The following SMC4 variants were observed in gnomAD, a reference collection of about 807,000 sequenced individuals.
SMC4 encodes the protein structural maintenance of chromosomes 4, also known as structural maintenance of chromosomes protein 4.
Under a neutral mutation model 145.6 loss-of-function variants are expected in SMC4, and 87 were observed. The ratio of observed to expected loss-of-function variants is 0.60; its 90% CI spans 0.50 to 0.71. SMC4 has a LOEUF of 0.71. Among genes scored for constraint, SMC4 ranks in the 30% least tolerant of loss-of-function variants. The pLI is 0.00. For synonymous variants in SMC4, 558 were observed against 500.7 expected, an observed-to-expected ratio of 1.11 and a Z score of -1.53; for missense variants, 1,447 against 1,537.1, an observed-to-expected ratio of 0.94 and a Z score of 0.98.
chr3:160,418,299 C>T (rs1183769609), intron 11 of SMC4, among the ~76,000 whole-genome samples: 1 of 152,112 alleles, frequency 6.6e-6, no homozygotes, highest in East Asian at 1.9e-4. Context: ...AATGAATATA[C>T]AAACAACTAT....
chr3:160,423,964 T>G lies in SMC4; in HGVS notation c.2325+124T>G, dbSNP rs2305405. The G allele has an allele frequency of 1.2e-5, 7 of 576,280 alleles. No individual in the cohort carries two copies. The East Asian group carries it at 2.1e-4, about 17-fold the overall frequency. 35.7% of individuals were successfully genotyped at this position (576,280 alleles called of 1,614,324 possible). A position where few individuals can be genotyped will look rare whatever the true frequency, so the allele number is the denominator to read the frequency against. On this transcript the variant is annotated intron_variant, in intron 15 of 23. Coordinates refer to ENST00000357388, the MANE Select transcript of SMC4 (RefSeq NM_001002800.3). ...GTACTCAAATTTTAATAGATGGCGT[T>G]TTCTATAAATGACTAGGGATTTTTT... is the stretch of plus-strand genomic sequence containing the variant.
intron 5 of SMC4, among the ~76,000 whole-genome samples, chr3:160,408,987 G>T (rs1434747112): frequency 6.6e-6 from 1 of 151,948 alleles, no homozygotes. Context: ...AAGCAATACG[G>T]TATAATAATC....
intron 22 of SMC4, chr3:160,432,789 T>C: frequency 1.9e-6 from 1 of 528,384 alleles, no homozygotes; most frequent in Non-Finnish European, 3.3e-6. Context: ...GGAGAAAGAA[T>C]AGCAAGAAGT....
intron 5 of SMC4, among the ~76,000 whole-genome samples, chr3:160,408,399 G>A (rs1025628008): frequency 2.0e-5 from 3 of 152,232 alleles, no homozygotes; most frequent in Non-Finnish European, 2.9e-5. Context: ...ACTCAAGAAA[G>A]TGTTCCATAA....
At chr3:160,412,485 A>G (rs919436054) in intron 7 of SMC4, 32 bp downstream of exon 7, 5 of 1,570,236 alleles carry the variant, frequency 3.2e-6, no homozygotes, top group Admixed American at 3.7e-5. Flanking sequence ...ACCAATTTTT[A>G]TATTAGTTTT....
intron 9 of SMC4, 45 bp downstream of exon 9, chr3:160,414,562 A>G: frequency 3.9e-6 from 6 of 1,544,224 alleles, no homozygotes; most frequent in Non-Finnish European, 4.4e-6. Flanking sequence ...TCTGAATATC[A>G]TACCTAGTTT....
Position 160,423,440 on chromosome 3 carries a change from A to T in SMC4, c.2035A>T (p.Lys679Ter). Residue 679 changes from lysine (K) to a stop codon, truncating the protein, a stop_gained, in exon 14 of 24, where the codon AAA (lysine) becomes TAA (stop). Transcript: ENST00000357388. LOFTEE classifies it high-confidence loss of function. ...IGLDKMAVWA[K>*]KMTEIQTPEN... ...TTACTTTTAGATGGCTGTATGGGCG[A>T]AAAAGATGACCGAAATTCAAACTCC... is the stretch of plus-strand genomic sequence containing the variant. 6.3e-7 allele frequency: 1 copy of T among 1,599,236 alleles called. No individual in the cohort carries two copies. Among genetic ancestry groups the T allele is most frequent in the Non-Finnish European group, 8.5e-7 (1 of 1,171,160 alleles).
Position 160,414,369 on chromosome 3 carries a change from A to G in SMC4, c.1124A>G (p.Lys375Arg), listed in dbSNP as rs572124707. 56 of 1,592,614 alleles carry G rather than the reference A, an allele frequency of 3.5e-5. No homozygotes were observed. In the South Asian group the frequency reaches 6.3e-4, roughly 18 times the overall value. The change falls in exon 9 of 24, where the codon AAA becomes AGA. Residue 375 changes from lysine (K) to arginine (R), a missense_variant and splice_region_variant. By Grantham distance (26) the Lys-to-Arg change is conservative. Coordinates refer to ENST00000357388, the MANE Select transcript of SMC4 (RefSeq NM_001002800.3). ...TTACAATATACTTGCTTTGCTAGGA[A>G]ACTGAATAAAATTACAAAATTTATT... Reference protein sequence around the residue: ...KNKDVKDTEKKLNKITKFIEE... With the variant: ...KNKDVKDTEKRLNKITKFIEE...
At chr3:160,419,042 A>G (rs925622339) in intron 11 of SMC4, among the ~76,000 whole-genome samples, 6 of 152,194 alleles carry the variant, frequency 3.9e-5, no homozygotes, top group Non-Finnish European at 7.3e-5. Context: ...ACTTATGTAT[A>G]ACTATGTAGT....
rs759904609 is a variant in SMC4 at position 160,432,468 on chromosome 3, C to T, written c.3483C>T (p.Leu1161=). The change falls in exon 22 of 24, where the codon CTC becomes CTT. Residue 1161 remains leucine (L), a synonymous_variant. Transcript: ENST00000357388. Reference sequence around the variant, plus strand: ...TTACTTTGGGAGGGGACGCCGAACTCGAGCTTGTAGACAGCTTGGATCCTT... The same window carrying T: ...TTACTTTGGGAGGGGACGCCGAACTTGAGCTTGTAGACAGCTTGGATCCTT... The part of the protein sequence containing the change: ...QMLTLGGDAE[L]ELVDSLDPFS... 24 of 1,612,584 alleles carry T rather than the reference C, an allele frequency of 1.5e-5. No homozygotes were observed. The Admixed American group carries it at 3.2e-4, about 21-fold the overall frequency.
chr3:160,401,792 A>C (rs1298597872), intron 2 of SMC4, 123 bp from the exon 3 acceptor site: 1 of 714,702 alleles, frequency 1.4e-6, no homozygotes, highest in African/African-American at 1.9e-5. Context: ...TAAGTTTCAT[A>C]AATAACATCC....
intron 2 of SMC4, among the ~76,000 whole-genome samples, chr3:160,401,367 T>G (rs1250312008): frequency 2.0e-5 from 3 of 152,120 alleles, no homozygotes; most frequent in Non-Finnish European, 4.4e-5. Context: ...GACCCTAACC[T>G]CACCTCCGTG....
chr3:160,425,362 TAA>T (rs979082816), intron 16 of SMC4, among the ~76,000 whole-genome samples: 4 of 152,226 alleles, frequency 2.6e-5, no homozygotes, highest in African/African-American at 9.6e-5. Flanking sequence ...GTTTTTTTAA[TAA>T]GTTTCCAGAA....
Position 160,425,931 on chromosome 3 carries a change from T to A in SMC4, c.2479-143T>A, listed in dbSNP as rs1168151361. Reference sequence around the variant, plus strand: ...TTTTGTGTTTGTTGGCCATTTTCATTTTTTATATCAATGGCACATATCTTT... The same window carrying A: ...TTTTGTGTTTGTTGGCCATTTTCATATTTTATATCAATGGCACATATCTTT... On this transcript the variant is annotated intron_variant, in intron 16 of 23. Transcript: ENST00000357388. The A allele has an allele frequency of 1.5e-5, 9 of 608,726 alleles. No homozygotes were observed. The East Asian group carries it at 2.7e-4, about 18-fold the overall frequency. The allele number at this position is 608,726 out of a possible 1,614,324, so 37.7% of individuals were successfully genotyped here.
chr3:160,401,802 C>T (rs1714696559), intron 2 of SMC4, 113 bp from the exon 3 acceptor site: 2 of 743,956 alleles, frequency 2.7e-6, no homozygotes, highest in African/African-American at 1.9e-5. Flanking sequence ...AAATAACATC[C>T]CTCCATCCCC....
intron 11 of SMC4, 92 bp from the exon 12 acceptor site, chr3:160,419,266 A>G: frequency 2.5e-6 from 2 of 793,562 alleles, no homozygotes; most frequent in South Asian, 2.6e-5. Flanking sequence ...TTCTTTCTTT[A>G]TTGTTATTAA....
chr3:160,401,732 C>A (rs189733652), intron 2 of SMC4, among the ~76,000 whole-genome samples, 183 bp from the exon 3 acceptor site: 149 of 152,202 alleles, frequency 9.8e-4, no homozygotes, highest in South Asian at 7.9e-3. Context: ...GGTTTAGTCA[C>A]CCCCGTGAGT....
chr3:160,433,003 T>TA (rs1491037446), intron 22 of SMC4, 23 bp from the exon 23 acceptor site: 1 of 1,558,730 alleles, frequency 6.4e-7, no homozygotes, highest in Non-Finnish European at 8.8e-7. Flanking sequence ...GTAATTTGAC[T>TA]ATGATTTTCT....
chr3:160,413,677 TAA>T, intron 8 of SMC4, 64 bp downstream of exon 8: 2 of 929,172 alleles, frequency 2.2e-6, no homozygotes, highest in Non-Finnish European at 3.1e-6. Context: ...TATTTATATA[TAA>T]AGTTACTTCT....
Sources: allele counts gnomAD v4.1 joint callset (sites outside exome capture counted in the v4.1 genomes callset), GRCh38; gene constraint gnomAD v4.1.1; transcripts MANE v1.5; gene names NCBI Gene and HGNC (gene_info 2026-07-23, HGNC 2026-07-21).